Variants in GRIN2A observed in about 807,000 individuals in gnomAD.
GRIN2A encodes glutamate receptor ionotropic, NMDA 2A.
GRIN2A carries 22 observed loss-of-function variants against 113.4 expected under a neutral mutation model. The observed-to-expected ratio is 0.19, with a 90% confidence interval of 0.14 to 0.28. The LOEUF (loss-of-function observed/expected upper bound fraction) is 0.28. Among genes scored for constraint, GRIN2A ranks in the 10% least tolerant of loss-of-function variants. The pLI is 1.00. For synonymous variants in GRIN2A, 827 were observed against 738.4 expected (o/e 1.12, Z -1.94); for missense variants, 1,502 against 1,887.0 (o/e 0.80, Z 3.78).
chr16:10,062,682 T>C (rs955992415), intron 2 of GRIN2A, among the ~76,000 whole-genome samples: 11 of 152,088 alleles, frequency 7.2e-5, no homozygotes, highest in Admixed American at 6.6e-5. Context: ...CTGGCCAACA[T>C]GGCAAAACTC....
intron 2 of GRIN2A, among the ~76,000 whole-genome samples, chr16:10,069,264 A>G (rs951111776): frequency 6.6e-6 from 1 of 152,200 alleles, no homozygotes; most frequent in African/African-American, 2.4e-5. Context: ...TCTGAGATAT[A>G]CATTTGAAGG....
At chr16:10,054,488 A>C (rs562892034) in intron 2 of GRIN2A, among the ~76,000 whole-genome samples, 1 of 152,220 alleles carries the variant, frequency 6.6e-6, no homozygotes, top group Non-Finnish European at 1.5e-5. Flanking sequence ...CAAATTGGCA[A>C]TCTCTGGTGA....
chr16:9,800,263 T>G (rs1340113240), intron 10 of GRIN2A, among the ~76,000 whole-genome samples: 1 of 152,150 alleles, frequency 6.6e-6, no homozygotes, highest in Non-Finnish European at 1.5e-5. Flanking sequence ...GTGCTAATTA[T>G]GATTAGATCC....
At chr16:9,981,387 A>G (rs1433644164) in intron 2 of GRIN2A, among the ~76,000 whole-genome samples, 1 of 152,230 alleles carries the variant, frequency 6.6e-6, no homozygotes, top group East Asian at 1.9e-4. Context: ...TTCTTTTTAA[A>G]CTTGTCATCA....
intron 2 of GRIN2A, among the ~76,000 whole-genome samples, chr16:10,077,969 G>A (rs749938186): frequency 1.1e-4 from 17 of 152,204 alleles, no homozygotes; most frequent in Non-Finnish European, 2.4e-4. Context: ...AGCCATCCAC[G>A]TGAACCAGGA....
chr16:10,115,184 T>G (rs1260167517), intron 2 of GRIN2A, among the ~76,000 whole-genome samples: 1 of 152,210 alleles, frequency 6.6e-6, no homozygotes, highest in Non-Finnish European at 1.5e-5. Flanking sequence ...CTCTCCTTTG[T>G]GTAGAATACA....
Position 9,757,372 on chromosome 16 carries a change from T to TA in GRIN2A, c.*5776_*5777insT. Reference sequence around the variant, plus strand: ...TTAGGGAAGGACTTTTTTTTTTTTTTTAAAAAAGGTATGCTCATAGAATCA... The same window carrying TA: ...TTAGGGAAGGACTTTTTTTTTTTTTTATAAAAAAGGTATGCTCATAGAATCA... On this transcript the variant is annotated 3_prime_UTR_variant, in exon 13 of 13. Coordinates refer to ENST00000330684, the MANE Select transcript of GRIN2A (RefSeq NM_001134407.3). The TA allele has an allele frequency of 4.4e-6, 1 of 225,448 alleles. No individual in the cohort carries two copies. The highest frequency in any genetic ancestry group is 8.8e-6 in the Non-Finnish European group (1 of 113,468). The allele number at this position is 225,448 out of a possible 1,614,324, so 14.0% of individuals were successfully genotyped here. A position where few individuals can be genotyped will look rare whatever the true frequency, so the allele number is the denominator to read the frequency against.
chr16:9,901,863 A>G (rs1289325639), intron 3 of GRIN2A, among the ~76,000 whole-genome samples: 2 of 152,224 alleles, frequency 1.3e-5, no homozygotes, highest in East Asian at 3.8e-4. Context: ...TCAAATCAGG[A>G]GACCTAGAAT....
At chr16:9,815,383 T>C (rs1250723463) in intron 10 of GRIN2A, among the ~76,000 whole-genome samples, 3 of 118,190 alleles carry the variant, frequency 2.5e-5, no homozygotes, top group African/African-American at 6.4e-5. Flanking sequence ...ATCCAGAATA[T>C]ACAGAGAACT....
At chr16:10,178,531 A>G (rs1162103650) in intron 2 of GRIN2A, among the ~76,000 whole-genome samples, 1 of 152,236 alleles carries the variant, frequency 6.6e-6, no homozygotes, top group African/African-American at 2.4e-5. Flanking sequence ...GTGGCAGAGC[A>G]TGGCTAGTCC....
chr16:10,102,915 A>G (rs1253891900), intron 2 of GRIN2A, among the ~76,000 whole-genome samples: 2 of 152,136 alleles, frequency 1.3e-5, no homozygotes, highest in African/African-American at 4.8e-5. Context: ...GCTCTGAGAG[A>G]CGTATCCCAC....
chr16:9,993,449 G>C (rs143314138), intron 2 of GRIN2A, among the ~76,000 whole-genome samples: 2 of 152,118 alleles, frequency 1.3e-5, no homozygotes, highest in African/African-American at 4.8e-5. Context: ...CTACCTACTT[G>C]GAAGGCAGAG....
At chr16:9,892,232 A>G (rs1396410136) in intron 3 of GRIN2A, among the ~76,000 whole-genome samples, 1 of 137,720 alleles carries the variant, frequency 7.3e-6, no homozygotes, top group Non-Finnish European at 1.6e-5. Flanking sequence ...ACCCTGTCTC[A>G]GAAAAACAAA....
chr16:9,905,550 T>G (rs1001341407), intron 3 of GRIN2A, among the ~76,000 whole-genome samples: 1 of 152,240 alleles, frequency 6.6e-6, no homozygotes, highest in Admixed American at 6.5e-5. Context: ...CTGTCTGTTC[T>G]AAACGAACTG....
At chr16:10,010,571 T>G (rs532164641) in intron 2 of GRIN2A, among the ~76,000 whole-genome samples, 1 of 152,336 alleles carries the variant, frequency 6.6e-6, no homozygotes, top group South Asian at 2.1e-4. Context: ...ATAGGAACTG[T>G]TTAATATACT....
chr16:10,150,131 G>A (rs563691113), intron 2 of GRIN2A, among the ~76,000 whole-genome samples: 9 of 152,296 alleles, frequency 5.9e-5, no homozygotes, highest in African/African-American at 2.2e-4. Context: ...TCGGTTGTTT[G>A]GACAACAGTG....
At chr16:10,059,914 C>T (rs939439604) in intron 2 of GRIN2A, among the ~76,000 whole-genome samples, 2 of 152,116 alleles carry the variant, frequency 1.3e-5, no homozygotes, top group African/African-American at 4.8e-5. Context: ...ATAGGAGCCA[C>T]TGGGACACAG....
chr16:9,992,043 T>C (rs528259864), intron 2 of GRIN2A, among the ~76,000 whole-genome samples: 13 of 152,320 alleles, frequency 8.5e-5, no homozygotes, highest in African/African-American at 3.1e-4. Flanking sequence ...GTTCTGCACA[T>C]GTATCCCAGA....
At chr16:10,059,266 C>T (rs1261700312) in intron 2 of GRIN2A, among the ~76,000 whole-genome samples, 2 of 150,898 alleles carry the variant, frequency 1.3e-5, no homozygotes, top group Non-Finnish European at 3.0e-5. Flanking sequence ...AGGGGAATAA[C>T]AGATCTACAT....
Sources: allele counts gnomAD v4.1 joint callset (sites outside exome capture counted in the v4.1 genomes callset), GRCh38; gene constraint gnomAD v4.1.1; transcripts MANE v1.5; gene names NCBI Gene and HGNC (gene_info 2026-07-23, HGNC 2026-07-21).